The following IRF2 variants were observed in gnomAD, a reference collection of about 807,000 sequenced individuals.
IRF2 encodes the protein interferon regulatory factor 2.
In IRF2, 15 loss-of-function variants were observed where a neutral mutation model predicts 40.6. That is an observed-to-expected ratio of 0.37 (90% CI 0.25 to 0.57). IRF2 has a LOEUF of 0.57. Among genes scored for constraint, IRF2 ranks in the 20% least tolerant of loss-of-function variants. IRF2 has a pLI of 0.77. For missense variants in IRF2, 317 were observed against 455.7 expected (o/e 0.70, Z 2.77); for synonymous variants, 151 against 165.5 (o/e 0.91, Z 0.67).
At chr4:184,468,685 G>A (rs977939735) in intron 1 of IRF2, among the ~76,000 whole-genome samples, 7 of 152,132 alleles carry the variant, frequency 4.6e-5, no homozygotes, top group South Asian at 2.1e-4. Flanking sequence ...AGAGATCCTC[G>A]ATTCAGTGGC....
chr4:184,469,678 T>C (rs1739451277), intron 1 of IRF2, among the ~76,000 whole-genome samples: 1 of 152,162 alleles, frequency 6.6e-6, no homozygotes, highest in Non-Finnish European at 1.5e-5. Flanking sequence ...TTGACTCTAA[T>C]AAAAGAAAAA....
chr4:184,472,474 G>C (rs530388729), intron 1 of IRF2: 16 of 152,226 alleles, frequency 1.1e-4, no homozygotes, highest in African/African-American at 3.6e-4. Context: ...CAGCAGTCTC[G>C]GTGATGCCTG....
chr4:184,461,368 T>C (rs1389606292), intron 1 of IRF2, among the ~76,000 whole-genome samples: 1 of 152,156 alleles, frequency 6.6e-6, no homozygotes, highest in Non-Finnish European at 1.5e-5. Context: ...CACTGCGGCT[T>C]CCCCTACAAT....
intron 3 of IRF2, 95 bp downstream of exon 3, chr4:184,419,374 T>G (rs184625840): frequency 9.4e-6 from 8 of 854,970 alleles, no homozygotes; most frequent in African/African-American, 6.8e-5. Context: ...CAGAGCCATC[T>G]TCATGAGGTC....
At chr4:184,422,284 C>T (rs1737510442) in intron 2 of IRF2, among the ~76,000 whole-genome samples, 1 of 152,156 alleles carries the variant, frequency 6.6e-6, no homozygotes, top group Non-Finnish European at 1.5e-5. Flanking sequence ...ACACAAATAA[C>T]AAACGTTGGT....
intron 1 of IRF2, among the ~76,000 whole-genome samples, chr4:184,440,140 G>C (rs1292738895): frequency 6.6e-6 from 1 of 152,298 alleles, no homozygotes; most frequent in South Asian, 2.1e-4. Context: ...ACTTTCCCTG[G>C]CTCAGTAGCC....
At chr4:184,440,699 T>C (rs1179700333) in intron 1 of IRF2, among the ~76,000 whole-genome samples, 2 of 152,228 alleles carry the variant, frequency 1.3e-5, no homozygotes, top group East Asian at 3.9e-4. Context: ...TTCAGATCCC[T>C]CCCTGCCTCC....
At chr4:184,432,231 G>A (rs144011637) in intron 1 of IRF2, among the ~76,000 whole-genome samples, 46 of 152,324 alleles carry the variant, frequency 3.0e-4, no homozygotes, top group African/African-American at 8.4e-4. Flanking sequence ...ACTCAGATGC[G>A]TTGGTGGTCA....
rs780176565 is a variant in IRF2, at chr4:184,390,621, A to G, written c.741+82T>C. 2.2e-6 allele frequency: 3 copies of G among 1,340,866 alleles called. No homozygotes were observed. The African/African-American group carries it at 4.3e-5, about 19-fold the overall frequency. The allele number at this position is 1,340,866 out of a possible 1,614,324, so 83.1% of individuals were successfully genotyped here. A position where few individuals can be genotyped will look rare whatever the true frequency, so the allele number is the denominator to read the frequency against. On this transcript the variant is annotated intron_variant, in intron 8 of 8. Transcript: ENST00000393593. ...AGCTTGTGATCTAAAGGAAAGGTGC[A>G]TAACCAGCAGCAAGGAAAGCCCGGA...
At chr4:184,431,113 C>T (rs1023469953) in intron 1 of IRF2, among the ~76,000 whole-genome samples, 9 of 152,226 alleles carry the variant, frequency 5.9e-5, no homozygotes, top group East Asian at 1.9e-4. Flanking sequence ...GGTGGGGTGC[C>T]GTCAGAGGTT....
chr4:184,435,578 A>T (rs1738046883), intron 1 of IRF2, among the ~76,000 whole-genome samples: 1 of 152,206 alleles, frequency 6.6e-6, no homozygotes, highest in Non-Finnish European at 1.5e-5. Context: ...GGGGGGCAAG[A>T]TCTAGGAGAA....
At chr4:184,465,647 A>G (rs1017164953) in intron 1 of IRF2, among the ~76,000 whole-genome samples, 1 of 152,114 alleles carries the variant, frequency 6.6e-6, no homozygotes, top group African/African-American at 2.4e-5. Flanking sequence ...GATCATAAAT[A>G]TTTTCCCATC....
At chr4:184,466,060 G>GT (rs750400403) in intron 1 of IRF2, among the ~76,000 whole-genome samples, 5,083 of 109,552 alleles carry the variant, frequency 0.046, 193 homozygotes, top group Non-Finnish European at 0.058. Context: ...GTTGTTTTTT[G>GT]TTTTTTGTTT....
intron 6 of IRF2, among the ~76,000 whole-genome samples, chr4:184,405,608 G>A (rs1186262548): frequency 6.6e-6 from 1 of 152,176 alleles, no homozygotes; most frequent in Non-Finnish European, 1.5e-5. Context: ...GATGACACTG[G>A]CATTCTTTAT....
In IRF2 at chr4:184,456,644, T is replaced by C. The variant is rs1049661138; in HGVS notation, c.-7+17735A>G. Among the ~76,000 whole-genome samples, 6 of 152,304 alleles carry C rather than the reference T, an allele frequency of 3.9e-5. No individual in the cohort carries two copies. In the South Asian group the frequency reaches 6.2e-4, roughly 16 times the overall value. ...TTCCTGCGGCCCGGTCCGCCCTCCC[T>C]ACCGGGAAACCGGGTGCCTGAGCCC... On this transcript the variant is annotated intron_variant, in intron 1 of 8. Coordinates refer to ENST00000393593, the MANE Select transcript of IRF2 (RefSeq NM_002199.4).
intron 7 of IRF2, 74 bp from the exon 8 acceptor site, chr4:184,390,823 TA>T: frequency 6.6e-7 from 1 of 1,518,124 alleles, no homozygotes; most frequent in Non-Finnish European, 9.1e-7. Flanking sequence ...GCAGTGTTTA[TA>T]AAAAGGAGAC....
At position 184,456,635 on chromosome 4, in the gene IRF2, C is replaced by T. The variant is rs116362065; in HGVS notation, c.-7+17744G>A. 7.5e-3 allele frequency among the ~76,000 whole-genome samples: 1,146 copies of T among 152,364 alleles called. 14 individuals are homozygous for T. Among genetic ancestry groups the T allele is most frequent in the African/African-American group, 0.026 (1,061 of 41,588 alleles). Reference sequence around the variant, plus strand: ...TGACGCGCTTTCCTGCGGCCCGGTCCGCCCTCCCTACCGGGAAACCGGGTG... The same window carrying T: ...TGACGCGCTTTCCTGCGGCCCGGTCTGCCCTCCCTACCGGGAAACCGGGTG... On this transcript the variant is annotated intron_variant, in intron 1 of 8. Coordinates refer to ENST00000393593, the MANE Select transcript of IRF2 (RefSeq NM_002199.4).
intron 1 of IRF2, among the ~76,000 whole-genome samples, chr4:184,445,862 A>C (rs1401152144): frequency 1.3e-5 from 2 of 152,164 alleles, no homozygotes; most frequent in Non-Finnish European, 2.9e-5. Context: ...GAGCCTGTGA[A>C]TGTGACCTTT....
At chr4:184,419,590 A>G (rs1199221546) in intron 2 of IRF2, 22 bp from the exon 3 acceptor site, 2 of 1,404,876 alleles carry the variant, frequency 1.4e-6, no homozygotes, top group Non-Finnish European at 9.8e-7. Context: ...AAAAAAAAAA[A>G]AGGTAAAGAA....
Sources: allele counts gnomAD v4.1 joint callset (sites outside exome capture counted in the v4.1 genomes callset), GRCh38; gene constraint gnomAD v4.1.1; transcripts MANE v1.5; gene names NCBI Gene and HGNC (gene_info 2026-07-23, HGNC 2026-07-21).